GSK3A: variants seen among roughly 807,000 people sequenced by gnomAD.
The protein encoded by GSK3A is glycogen synthase kinase 3 alpha.
Under a neutral mutation model 56.6 loss-of-function variants are expected in GSK3A, and 14 were observed. The ratio of observed to expected loss-of-function variants is 0.25; its 90% CI spans 0.16 to 0.39. The LOEUF is 0.39. Ranked by LOEUF, GSK3A falls within the 10% of genes least tolerant of loss-of-function variation. The pLI, the probability that GSK3A is intolerant of heterozygous loss-of-function variation, is 1.00. For missense variants in GSK3A, 450 were observed against 656.0 expected (o/e 0.69, Z 3.43); for synonymous variants, 301 against 285.0 (o/e 1.06, Z -0.56).
At chr19:42,236,834 A>G in intron 3 of GSK3A, 24 bp downstream of exon 3, 2 of 1,554,160 alleles carry the variant, frequency 1.3e-6, no homozygotes, top group East Asian at 4.5e-5. Flanking sequence ...GGAGCAACCC[A>G]CCACCACCAC....
chr19:42,239,924 A>G, intron 2 of GSK3A, 31 bp downstream of exon 2: 1 of 1,598,660 alleles, frequency 6.3e-7, no homozygotes, highest in Non-Finnish European at 8.6e-7. Flanking sequence ...CCAGTCCCCA[A>G]ACCTCCCTGT....
chr19:42,242,585 C>G lies in GSK3A; in HGVS notation c.-120G>C, dbSNP rs1220120376. 1.2e-6 allele frequency: 1 copy of G among 847,482 alleles called. No homozygotes were observed. Among genetic ancestry groups the G allele is most frequent in the East Asian group, 7.7e-5 (1 of 12,954 alleles). 52.5% of individuals were successfully genotyped at this position (847,482 alleles called of 1,614,324 possible). A position where few individuals can be genotyped will look rare whatever the true frequency, so the allele number is the denominator to read the frequency against. On this transcript the variant is annotated 5_prime_UTR_variant, in exon 1 of 11. Transcript: ENST00000222330. ...CCAGGCCGCGCCGCTCTGGCTTGGGCTCCGGCTCCGGCCCAGCGCCCGCCG... is the reference window on the plus strand; with the variant it reads ...CCAGGCCGCGCCGCTCTGGCTTGGGGTCCGGCTCCGGCCCAGCGCCCGCCG...
chr19:42,233,410 G>C, intron 6 of GSK3A, 27 bp from the exon 7 acceptor site: 1 of 1,468,738 alleles, frequency 6.8e-7, no homozygotes, highest in Non-Finnish European at 9.3e-7. Flanking sequence ...GGAGCGTCAG[G>C]GCTAGGCGAG....
In GSK3A at chr19:42,242,582, G is replaced by A. The variant is rs527727447; in HGVS notation, c.-117C>T. On this transcript the variant is annotated 5_prime_UTR_variant, in exon 1 of 11. Transcript: ENST00000222330. ...CTTCCAGGCCGCGCCGCTCTGGCTT[G>A]GGCTCCGGCTCCGGCCCAGCGCCCG... 1.1e-6 allele frequency: 1 copy of A among 890,866 alleles called. No individual in the cohort carries two copies. The highest frequency in any genetic ancestry group is 1.5e-6 in the Non-Finnish European group (1 of 688,770). 55.2% of individuals were successfully genotyped at this position (890,866 alleles called of 1,614,324 possible). A position where few individuals can be genotyped will look rare whatever the true frequency, so the allele number is the denominator to read the frequency against.
At chr19:42,239,926 C>A in intron 2 of GSK3A, 29 bp downstream of exon 2, 1 of 1,600,720 alleles carries the variant, frequency 6.2e-7, no homozygotes, top group Non-Finnish European at 8.6e-7. Flanking sequence ...AGTCCCCAAA[C>A]CTCCCTGTCC....
In GSK3A at chr19:42,232,695, T is replaced by C; in HGVS notation, c.1099-13A>G. On this transcript the variant is annotated splice_polypyrimidine_tract_variant and intron_variant, in intron 8 of 10. Transcript: ENST00000222330. The stretch of plus-strand genomic sequence containing the variant: ...GAGATTTGAACACCTGAGGGATGGG[T>C]GCAGGGCTCATGAGGGTGAGATGCC... The C allele has an allele frequency of 6.4e-7, 1 of 1,553,738 alleles. No individual in the cohort carries two copies. The highest frequency in any genetic ancestry group is 8.7e-7 in the Non-Finnish European group (1 of 1,145,906).
intron 2 of GSK3A, among the ~76,000 whole-genome samples, chr19:42,237,743 G>A (rs2036266435): frequency 6.6e-6 from 1 of 151,124 alleles, no homozygotes; most frequent in African/African-American, 2.4e-5. Context: ...GCCAAGCATG[G>A]TGGCAGGCAC....
In GSK3A at chr19:42,234,326, C is replaced by T. The variant is rs2036243047; in HGVS notation, c.904+27G>A. ...TCCAAAACTTCCCAGATTGCCACTCCCCCCGCCACCCTCCCATAACTCTGA... is the reference window on the plus strand; with the variant it reads ...TCCAAAACTTCCCAGATTGCCACTCTCCCCGCCACCCTCCCATAACTCTGA... On this transcript the variant is annotated intron_variant, in intron 6 of 10. Coordinates refer to ENST00000222330, the MANE Select transcript of GSK3A (RefSeq NM_019884.3). This position sits in a 1 kb window ranked among gnomAD's most constrained non-coding sequence, Gnocchi z 5.7. 16 of 1,559,562 alleles carry T rather than the reference C, an allele frequency of 1.0e-5. No individual in the cohort carries two copies. Among genetic ancestry groups the T allele is most frequent in the South Asian group, 3.3e-5 (3 of 89,988 alleles).
At chr19:42,236,582 C>T (rs368583858) in intron 4 of GSK3A, 24 bp downstream of exon 4, 2 of 1,436,434 alleles carry the variant, frequency 1.4e-6, no homozygotes, top group South Asian at 2.3e-5. Context: ...GGCCTGGGTC[C>T]CAGCAGCCCA....
At chr19:42,241,115 C>G (rs1394809070) in intron 1 of GSK3A, 5 of 152,172 alleles carry the variant, frequency 3.3e-5, no homozygotes, top group Non-Finnish European at 5.9e-5. Context: ...CCTGCCTCAG[C>G]CTCCCGAGAA....
chr19:42,232,452 C>A (rs775256444), intron 9 of GSK3A, 44 bp downstream of exon 9: 1 of 1,578,438 alleles, frequency 6.3e-7, no homozygotes, highest in Non-Finnish European at 8.7e-7. Flanking sequence ...TTTGGCTGCC[C>A]CCCTACCCCG....
chr19:42,240,244 T>C, intron 1 of GSK3A, 102 bp from the exon 2 acceptor site: 1 of 1,084,070 alleles, frequency 9.2e-7, no homozygotes, highest in African/African-American at 1.5e-5. Flanking sequence ...GGAAGCTCGT[T>C]GGGGACCTCT....
chr19:42,239,442 C>A (rs2036278068), intron 2 of GSK3A, among the ~76,000 whole-genome samples: 2 of 152,336 alleles, frequency 1.3e-5, no homozygotes, highest in South Asian at 4.1e-4. Flanking sequence ...TCCTAGCTCA[C>A]AGGGCACCTC....
intron 1 of GSK3A, chr19:42,240,403 C>T (rs919742701): frequency 2.8e-5 from 16 of 581,136 alleles, no homozygotes; most frequent in Non-Finnish European, 4.3e-5. Context: ...GGTTGGCAAC[C>T]CCAAATTTCT....
chr19:42,230,980 T>A (rs1036798519), intron 10 of GSK3A, 113 bp from the exon 11 acceptor site: 6 of 770,354 alleles, frequency 7.8e-6, no homozygotes, highest in African/African-American at 1.7e-5. Context: ...AGTTACAAGC[T>A]GTTACTTTAG....
At chr19:42,241,360 T>C (rs937877133) in intron 1 of GSK3A, 1 of 152,166 alleles carries the variant, frequency 6.6e-6, no homozygotes, top group Non-Finnish European at 1.5e-5. Flanking sequence ...ACATCACTTT[T>C]TTTTTTCAGA....
Position 42,242,438 on chromosome 19 carries a change from CG to C in GSK3A, c.27del (p.Gly10AlafsTer82). ...CGCGCCCTGCCCGAGCCCCCAGGGC[CG>C]CCTCCCGAAGGCCCGCCGCCGCTCA... MSGGGPSG[G>X]GPGGSGRART... On this transcript the variant is annotated frameshift_variant, in exon 1 of 11. Transcript: ENST00000222330. LOFTEE classifies it high-confidence loss of function. 1 of 1,287,288 alleles carries C rather than the reference CG, an allele frequency of 7.8e-7. No individual in the cohort carries two copies. Among genetic ancestry groups the C allele is most frequent in the South Asian group, 2.2e-5 (1 of 45,232 alleles). The allele number at this position is 1,287,288 out of a possible 1,614,324, so 79.7% of individuals were successfully genotyped here. A position where few individuals can be genotyped will look rare whatever the true frequency, so the allele number is the denominator to read the frequency against.
chr19:42,233,955 C>T (rs150405354), intron 6 of GSK3A, among the ~76,000 whole-genome samples: 2 of 152,310 alleles, frequency 1.3e-5, no homozygotes, highest in Non-Finnish European at 2.9e-5. Flanking sequence ...GTTGTCCCCA[C>T]AAACAGGGAA....
chr19:42,236,926 T>A lies in GSK3A; in HGVS notation c.487A>T (p.Ile163Phe). ...TTGCAGTGGTCCAGCTTACGCATGA[T>A]CTGCAGCTCTCGGTTCTTGAGGGCA... ...DKRFKNRELQIMRKLDHCNIV... is the reference protein window; with the variant it reads ...DKRFKNRELQFMRKLDHCNIV... Residue 163 changes from isoleucine (I) to phenylalanine (F), a missense_variant, in exon 3 of 11, where the codon ATC becomes TTC. Transcript: ENST00000222330. The A allele has an allele frequency of 6.2e-7, 1 of 1,611,806 alleles. No individual in the cohort carries two copies.
Sources: allele counts gnomAD v4.1 joint callset (sites outside exome capture counted in the v4.1 genomes callset), GRCh38; gene constraint gnomAD v4.1.1; non-coding constraint Gnocchi (gnomAD v3.1); transcripts MANE v1.5; gene names NCBI Gene and HGNC (gene_info 2026-07-23, HGNC 2026-07-21).